SCARA5: variants seen among roughly 807,000 people sequenced by gnomAD.
SCARA5 encodes the protein scavenger receptor class A member 5.
SCARA5 carries 45 observed loss-of-function variants against 46.3 expected under a neutral mutation model. That is an observed-to-expected ratio of 0.97 (90% CI 0.76 to 1.24). The LOEUF is 1.24. SCARA5 is among the 50% of genes most tolerant of loss of function. SCARA5 has a pLI of 0.00. For missense variants in SCARA5, 680 were observed against 689.0 expected, an observed-to-expected ratio of 0.99 and a Z score of 0.15; for synonymous variants, 333 against 306.5, an observed-to-expected ratio of 1.09 and a Z score of -0.90.
At position 27,977,768 on chromosome 8, in the gene SCARA5, C is replaced by T. The variant is rs544651601; in HGVS notation, c.112+9736G>A. Among the ~76,000 whole-genome samples, 237 of 152,380 alleles carry T rather than the reference C, an allele frequency of 1.6e-3. 1 individual carries two copies. Among genetic ancestry groups the T allele is most frequent in the African/African-American group, 5.6e-3 (231 of 41,600 alleles). ...CTCTCCTGATCCCCGGGTATCACTC[C>T]TTCCGGCCTCCTTACCTAATTCCAG... On this transcript the variant is annotated intron_variant, in intron 2 of 8. Transcript: ENST00000354914.
intron 2 of SCARA5, among the ~76,000 whole-genome samples, chr8:27,980,494 C>A (rs1056055269): frequency 1.3e-5 from 2 of 152,176 alleles, no homozygotes; most frequent in Admixed American, 6.5e-5. Flanking sequence ...AGAGTAATGC[C>A]ACACAGGAGA....
At chr8:27,938,330 T>A (rs1351042411) in intron 3 of SCARA5, among the ~76,000 whole-genome samples, 1 of 143,862 alleles carries the variant, frequency 7.0e-6, no homozygotes, top group Non-Finnish European at 1.5e-5. Context: ...AAGGTGAATT[T>A]ATTGGTGTGG....
At chr8:27,885,387 C>T (rs1317674006) in intron 7 of SCARA5, among the ~76,000 whole-genome samples, 1 of 152,178 alleles carries the variant, frequency 6.6e-6, no homozygotes, top group Non-Finnish European at 1.5e-5. Flanking sequence ...AGGGCCCCTT[C>T]TAGGTACATG....
intron 5 of SCARA5, 66 bp downstream of exon 5, chr8:27,909,597 A>G (rs1253560940): frequency 3.4e-6 from 4 of 1,173,124 alleles, no homozygotes; most frequent in Non-Finnish European, 4.9e-6. Context: ...TATACCATCA[A>G]GAAAGTAGCG....
chr8:27,916,500 C>T (rs2685326), intron 4 of SCARA5, among the ~76,000 whole-genome samples: 82,944 of 151,868 alleles, frequency 0.55, 23,500 homozygotes, highest in Non-Finnish European at 0.63. Context: ...TGTATGTATG[C>T]AGGTGTGGAT....
intron 3 of SCARA5, among the ~76,000 whole-genome samples, chr8:27,934,781 C>T (rs1425557901): frequency 2.6e-5 from 4 of 152,226 alleles, no homozygotes; most frequent in Non-Finnish European, 5.9e-5. Flanking sequence ...GTCACTTATA[C>T]TCCTCTGGCC....
intron 3 of SCARA5, among the ~76,000 whole-genome samples, chr8:27,940,968 T>G (rs1010100701): frequency 3.9e-5 from 6 of 152,200 alleles, no homozygotes; most frequent in Admixed American, 3.9e-4. Context: ...TGCAAAAATA[T>G]TTAATCTTAC....
chr8:27,983,365 G>C (rs1386245150), intron 2 of SCARA5, among the ~76,000 whole-genome samples: 1 of 152,200 alleles, frequency 6.6e-6, no homozygotes. Context: ...ATCGTGAACA[G>C]AGCTTTTCCA....
intron 3 of SCARA5, among the ~76,000 whole-genome samples, chr8:27,958,098 C>T (rs1317971620): frequency 6.6e-6 from 1 of 152,212 alleles, no homozygotes; most frequent in Non-Finnish European, 1.5e-5. Context: ...GATGGGTGCT[C>T]TGCAGTGTCC....
At chr8:27,895,453 G>C (rs1348990735) in intron 7 of SCARA5, among the ~76,000 whole-genome samples, 1 of 152,182 alleles carries the variant, frequency 6.6e-6, no homozygotes, top group Non-Finnish European at 1.5e-5. Context: ...CTGGCCTGTG[G>C]GTGTGCTTTG....
At chr8:27,893,568 C>T (rs978323393) in intron 7 of SCARA5, among the ~76,000 whole-genome samples, 2 of 152,180 alleles carry the variant, frequency 1.3e-5, no homozygotes, top group African/African-American at 4.8e-5. Flanking sequence ...AACCCCTCCC[C>T]TCTACTTCAA....
chr8:27,903,564 G>A (rs1038834809), intron 7 of SCARA5: 2 of 152,290 alleles, frequency 1.3e-5, no homozygotes, highest in South Asian at 4.1e-4. Context: ...GCCCATGTGG[G>A]AATAATGGCA....
At chr8:27,920,375 G>A (rs1807563153) in intron 4 of SCARA5, among the ~76,000 whole-genome samples, 1 of 152,150 alleles carries the variant, frequency 6.6e-6, no homozygotes, top group African/African-American at 2.4e-5. Context: ...TACTTTGGGA[G>A]GCTGAGGCAG....
At chr8:27,912,776 G>T (rs1162627779) in intron 4 of SCARA5, among the ~76,000 whole-genome samples, 2 of 152,166 alleles carry the variant, frequency 1.3e-5, no homozygotes, top group African/African-American at 4.8e-5. Context: ...AACCTGCAGG[G>T]GGGTCTTCCC....
At chr8:27,904,239 T>C (rs1243542610) in intron 7 of SCARA5, 1 of 156,776 alleles carries the variant, frequency 6.4e-6, no homozygotes, top group Admixed American at 6.4e-5. Flanking sequence ...CCTTTCCCTG[T>C]GTAACACCCA....
chr8:27,932,923 G>A (rs369408682), intron 3 of SCARA5, among the ~76,000 whole-genome samples: 16 of 152,208 alleles, frequency 1.1e-4, no homozygotes, highest in East Asian at 5.8e-4. Flanking sequence ...CAGCCACGGC[G>A]CTTGGCCGTC....
chr8:27,957,766 G>A (rs530953020), intron 3 of SCARA5, among the ~76,000 whole-genome samples: 1 of 152,216 alleles, frequency 6.6e-6, no homozygotes, highest in African/African-American at 2.4e-5. Context: ...TAGGATTGTT[G>A]TAAGAATTAG....
chr8:27,931,662 T>TTTTA (rs1252045731), intron 3 of SCARA5, among the ~76,000 whole-genome samples: 3 of 152,012 alleles, frequency 2.0e-5, no homozygotes, highest in South Asian at 2.1e-4. Context: ...AACCTTGCAT[T>TTTTA]TTTATTTATT....
At chr8:27,933,231 G>A (rs1011397048) in intron 3 of SCARA5, among the ~76,000 whole-genome samples, 4 of 152,104 alleles carry the variant, frequency 2.6e-5, no homozygotes, top group Admixed American at 6.5e-5. Context: ...GTTAGAACAG[G>A]GCAGATTCAG....
Sources: allele counts gnomAD v4.1 joint callset (sites outside exome capture counted in the v4.1 genomes callset), GRCh38; gene constraint gnomAD v4.1.1; transcripts MANE v1.5; gene names NCBI Gene and HGNC (gene_info 2026-07-23, HGNC 2026-07-21).